The following ADARB2 variants were observed in gnomAD, a reference collection of about 807,000 sequenced individuals.
The protein encoded by ADARB2 is inactive double-stranded RNA-specific editase B2.
A neutral mutation model predicts 62.2 loss-of-function variants in ADARB2; 25 were observed. The ratio of observed to expected loss-of-function variants is 0.40; its 90% CI spans 0.29 to 0.56. ADARB2 has a LOEUF of 0.56. Among genes scored for constraint, ADARB2 ranks in the 20% least tolerant of loss-of-function variants. ADARB2 has a pLI of 0.43. For missense variants in ADARB2, 1,071 were observed against 1,077.4 expected (o/e 0.99, Z 0.08); for synonymous variants, 572 against 500.8 (o/e 1.14, Z -1.90).
At chr10:1,546,559 AC>A (rs1832523893) in intron 1 of ADARB2, among the ~76,000 whole-genome samples, 1 of 152,248 alleles carries the variant, frequency 6.6e-6, no homozygotes, top group East Asian at 1.9e-4. Context: ...ACCACAAGTC[AC>A]TGGAGAAGGG....
intron 6 of ADARB2, among the ~76,000 whole-genome samples, chr10:1,223,144 T>C (rs1407121118): frequency 6.6e-6 from 1 of 152,156 alleles, no homozygotes; most frequent in East Asian, 1.9e-4. Flanking sequence ...CCCTTGTAAG[T>C]TGGATTCCTA....
intron 1 of ADARB2, among the ~76,000 whole-genome samples, chr10:1,684,996 T>C (rs1834581457): frequency 6.6e-6 from 1 of 151,986 alleles, no homozygotes; most frequent in Non-Finnish European, 1.5e-5. Flanking sequence ...ATAGTGTGAG[T>C]TCTGAGTGTG....
intron 8 of ADARB2, among the ~76,000 whole-genome samples, chr10:1,192,395 C>G (rs74605360): frequency 0.013 from 2,008 of 152,304 alleles, 26 homozygotes; most frequent in Non-Finnish European, 0.02. Context: ...CACGCACACC[C>G]ACACACCCTT....
intron 1 of ADARB2, among the ~76,000 whole-genome samples, chr10:1,682,977 G>A (rs1246751890): frequency 6.6e-6 from 1 of 152,152 alleles, no homozygotes; most frequent in African/African-American, 2.4e-5. Context: ...ACAGCACCGC[G>A]GAGGTGGGCT....
At chr10:1,401,852 C>T (rs1487361883) in intron 1 of ADARB2, among the ~76,000 whole-genome samples, 2 of 152,174 alleles carry the variant, frequency 1.3e-5, no homozygotes, top group African/African-American at 4.8e-5. Context: ...CAAACACAAA[C>T]AGGTGCTAGT....
intron 6 of ADARB2, among the ~76,000 whole-genome samples, chr10:1,229,765 C>T (rs1414885360): frequency 4.9e-5 from 1 of 20,458 alleles, no homozygotes; most frequent in Non-Finnish European, 1.1e-4. Context: ...TACATGTGTG[C>T]ACATATGTGC....
chr10:1,327,840 C>T (rs1453286863), intron 3 of ADARB2, among the ~76,000 whole-genome samples: 1 of 57,318 alleles, frequency 1.7e-5, no homozygotes, highest in African/African-American at 7.6e-5. Flanking sequence ...CACCTCACAG[C>T]TCAGTGCCTC....
chr10:1,378,491 C>T (rs1240436362), intron 2 of ADARB2, among the ~76,000 whole-genome samples: 1 of 152,222 alleles, frequency 6.6e-6, no homozygotes, highest in African/African-American at 2.4e-5. Flanking sequence ...ACATTACTGA[C>T]ACTTTCCTGC....
chr10:1,314,324 T>A (rs1265131066), intron 3 of ADARB2, among the ~76,000 whole-genome samples: 2 of 151,952 alleles, frequency 1.3e-5, no homozygotes, highest in Non-Finnish European at 2.9e-5. Flanking sequence ...AGCTGGACTC[T>A]ACTTGCCCCG....
chr10:1,488,214 G>T (rs1314925484), intron 1 of ADARB2, among the ~76,000 whole-genome samples: 2 of 132,524 alleles, frequency 1.5e-5, no homozygotes, highest in African/African-American at 5.2e-5. Flanking sequence ...CATTATCTCA[G>T]ATTTGGCAAA....
chr10:1,513,064 A>C (rs1831958370), intron 1 of ADARB2, among the ~76,000 whole-genome samples: 1 of 152,212 alleles, frequency 6.6e-6, no homozygotes, highest in Admixed American at 6.5e-5. Context: ...AGTAGATTCT[A>C]GTGCTCCTAC....
intron 1 of ADARB2, among the ~76,000 whole-genome samples, chr10:1,574,122 C>A (rs1037221792): frequency 6.6e-6 from 1 of 152,162 alleles, no homozygotes; most frequent in Admixed American, 6.5e-5. Flanking sequence ...TGGAAGGTGG[C>A]GTCCTTCCCT....
chr10:1,247,339 T>G (rs1338975183), intron 4 of ADARB2, among the ~76,000 whole-genome samples: 1 of 152,212 alleles, frequency 6.6e-6, no homozygotes, highest in Non-Finnish European at 1.5e-5. Flanking sequence ...CCTGCCTGAT[T>G]GCCCTGGCCA....
intron 1 of ADARB2, among the ~76,000 whole-genome samples, chr10:1,571,476 G>A (rs1000310629): frequency 1.3e-5 from 2 of 152,172 alleles, no homozygotes; most frequent in East Asian, 1.9e-4. Flanking sequence ...ATCACCACTG[G>A]GATTTGAAAT....
At chr10:1,430,576 G>A (rs904938069) in intron 1 of ADARB2, among the ~76,000 whole-genome samples, 2 of 152,102 alleles carry the variant, frequency 1.3e-5, no homozygotes, top group African/African-American at 4.8e-5. Context: ...TGTATAAGTA[G>A]TAATTAAAAA....
intron 3 of ADARB2, among the ~76,000 whole-genome samples, chr10:1,296,905 T>G (rs1055732199): frequency 6.6e-6 from 1 of 152,218 alleles, no homozygotes; most frequent in Non-Finnish European, 1.5e-5. Context: ...GCTAAGATGC[T>G]CGGTGCTGTC....
At chr10:1,293,752 C>T (rs1318046399) in intron 3 of ADARB2, among the ~76,000 whole-genome samples, 1 of 152,224 alleles carries the variant, frequency 6.6e-6, no homozygotes, top group Admixed American at 6.5e-5. Flanking sequence ...AAATCTGACA[C>T]CAACCTCGGA....
Position 1,595,911 on chromosome 10 carries a change from G to C in ADARB2, c.100+141140C>G, listed in dbSNP as rs1420345761. Among the ~76,000 whole-genome samples the C allele has an allele frequency of 2.0e-5, 3 of 152,222 alleles. No homozygotes were observed. In the East Asian group the frequency reaches 5.8e-4, roughly 29 times the overall value. On this transcript the variant is annotated intron_variant, in intron 1 of 9. Transcript: ENST00000381312. ...ACTTCCAGGAAAGTAAATGTGCTGT[G>C]TTCCACAGCCCGCTGGCCTCGCTCA...
intron 2 of ADARB2, 143 bp downstream of exon 2, chr10:1,378,931 G>A (rs1484266248): frequency 3.0e-6 from 2 of 663,804 alleles, no homozygotes; most frequent in Non-Finnish European, 5.4e-6. Flanking sequence ...GTGGAGGAAT[G>A]AGAGCAGATA....
Sources: gnomAD v4.1 joint callset for allele counts (sites outside exome capture counted in the v4.1 genomes callset) on GRCh38, gnomAD v4.1.1 for gene constraint, MANE v1.5 for transcripts, NCBI Gene and HGNC (gene_info 2026-07-23, HGNC 2026-07-21) for gene names.